Variants in CTNND2 observed in about 807,000 individuals in gnomAD.
The protein encoded by CTNND2 is catenin delta-2.
Under a neutral mutation model 144.4 loss-of-function variants are expected in CTNND2, and 22 were observed. That is an observed-to-expected ratio of 0.15 (90% confidence interval 0.11 to 0.22). CTNND2 has a LOEUF of 0.22. Among genes scored for constraint, CTNND2 ranks in the 10% least tolerant of loss-of-function variants. The pLI, the probability that CTNND2 is intolerant of heterozygous loss-of-function variation, is 1.00. For missense variants in CTNND2, 1,353 were observed against 1,618.8 expected, an observed-to-expected ratio of 0.84 and a Z score of 2.82; for synonymous variants, 751 against 695.6, an observed-to-expected ratio of 1.08 and a Z score of -1.25.
intron 6 of CTNND2, among the ~76,000 whole-genome samples, chr5:11,392,869 C>T (rs1759755061): frequency 6.6e-6 from 1 of 152,210 alleles, no homozygotes; most frequent in Non-Finnish European, 1.5e-5. Flanking sequence ...TTTTACCTAA[C>T]AACAACTTAT....
rs142470874 is a variant in CTNND2 at position 11,157,842 on chromosome 5, G to A, written c.2159+1734C>T. 3.7e-3 allele frequency among the ~76,000 whole-genome samples: 561 copies of A among 152,236 alleles called. 4 individuals carry two copies. The highest frequency in any genetic ancestry group is 4.0e-3 in the Non-Finnish European group (272 of 68,010). On this transcript the variant is annotated intron_variant, in intron 12 of 21. Coordinates refer to ENST00000304623, the MANE Select transcript of CTNND2 (RefSeq NM_001332.4). ...AGCAGCAGAAGCAGCAGCAAGTGTC[G>A]AGCTGCTGTATGTGTGAATAGACAG... is the stretch of plus-strand genomic sequence containing the variant.
chr5:11,555,725 T>C (rs554984162), intron 3 of CTNND2, among the ~76,000 whole-genome samples: 1 of 150,768 alleles, frequency 6.6e-6, no homozygotes, highest in East Asian at 2.0e-4. Context: ...AAAACAGAAA[T>C]AATGTGAAAG....
chr5:11,333,561 A>T (rs988381968), intron 9 of CTNND2, among the ~76,000 whole-genome samples: 1 of 152,190 alleles, frequency 6.6e-6, no homozygotes, highest in African/African-American at 2.4e-5. Context: ...TTGTGAGATG[A>T]TCAGTCAGAT....
intron 2 of CTNND2, among the ~76,000 whole-genome samples, chr5:11,662,918 A>G (rs575841769): frequency 1.3e-5 from 2 of 152,338 alleles, no homozygotes; most frequent in African/African-American, 4.8e-5. Flanking sequence ...CAGTAAACAA[A>G]TAAAGTGGAT....
chr5:11,109,996 ACT>A (rs1388694968), intron 14 of CTNND2, among the ~76,000 whole-genome samples: 1 of 151,550 alleles, frequency 6.6e-6, no homozygotes, highest in Non-Finnish European at 1.5e-5. Flanking sequence ...TACTTGTGAA[ACT>A]CTCTGTAAGC....
At chr5:11,240,993 A>C (rs1312845607) in intron 9 of CTNND2, among the ~76,000 whole-genome samples, 4 of 136,830 alleles carry the variant, frequency 2.9e-5, no homozygotes, top group Non-Finnish European at 6.3e-5. Flanking sequence ...ACACACACCC[A>C]ACACACACAC....
chr5:11,637,030 A>T (rs1781743380), intron 2 of CTNND2, among the ~76,000 whole-genome samples: 1 of 152,232 alleles, frequency 6.6e-6, no homozygotes, highest in African/African-American at 2.4e-5. Flanking sequence ...TATTACCTCA[A>T]GTAGATGGCA....
intron 1 of CTNND2, among the ~76,000 whole-genome samples, chr5:11,755,858 C>T (rs2126794683): frequency 6.6e-6 from 1 of 151,512 alleles, no homozygotes; most frequent in African/African-American, 2.4e-5. Context: ...CCTTATAGTT[C>T]TTGGATTGAG....
At chr5:11,675,899 A>G (rs1784148512) in intron 2 of CTNND2, among the ~76,000 whole-genome samples, 2 of 151,110 alleles carry the variant, frequency 1.3e-5, no homozygotes, top group Admixed American at 1.3e-4. Flanking sequence ...TTGGCTACTG[A>G]TATTTGTATA....
intron 2 of CTNND2, among the ~76,000 whole-genome samples, chr5:11,584,001 AG>A: frequency 6.6e-6 from 1 of 152,306 alleles, no homozygotes; most frequent in East Asian, 1.9e-4. Flanking sequence ...AATTTTTGGA[AG>A]AAGTACTCCA....
intron 1 of CTNND2, among the ~76,000 whole-genome samples, chr5:11,757,007 T>A (rs1405192791): frequency 6.6e-6 from 1 of 151,632 alleles, no homozygotes; most frequent in Admixed American, 6.6e-5. Flanking sequence ...AATTACACAA[T>A]ATCTGGTTTT....
intron 2 of CTNND2, among the ~76,000 whole-genome samples, chr5:11,640,998 A>G (rs1392901990): frequency 2.6e-5 from 4 of 152,146 alleles, no homozygotes; most frequent in East Asian, 1.9e-4. Context: ...GTTCGTTAAT[A>G]AAACCCAAAA....
chr5:11,534,865 G>C (rs1250306862), intron 3 of CTNND2, among the ~76,000 whole-genome samples: 3 of 152,100 alleles, frequency 2.0e-5, no homozygotes, highest in African/African-American at 7.2e-5. Context: ...TTGTTCTGAA[G>C]TGAACTTGGA....
rs1045828021 is a variant in CTNND2, at chr5:10,971,914, C to A, written c.*1539G>T. ...GGCACCTATTGGCCTCAGCCACTTG[C>A]ATCTAAAGAGCAAAGCTAGTTTACC... On this transcript the variant is annotated 3_prime_UTR_variant, in exon 22 of 22. Transcript: ENST00000304623. 6.6e-6 allele frequency: 1 copy of A among 152,632 alleles called. No homozygotes were observed. The allele number at this position is 152,632 out of a possible 1,614,324, so 9.5% of individuals were successfully genotyped here.
chr5:11,593,757 T>A (rs959762086), intron 2 of CTNND2, among the ~76,000 whole-genome samples: 2 of 152,200 alleles, frequency 1.3e-5, no homozygotes, highest in African/African-American at 4.8e-5. Flanking sequence ...ATTACACCTT[T>A]TTTCCTTTTA....
intron 14 of CTNND2, among the ~76,000 whole-genome samples, chr5:11,101,098 TC>T (rs1751834109): frequency 1.3e-5 from 2 of 152,320 alleles, no homozygotes; most frequent in South Asian, 4.1e-4. Context: ...GAGATGGAGT[TC>T]AAAGGGGATT....
At chr5:11,557,908 A>G (rs1352582791) in intron 3 of CTNND2, among the ~76,000 whole-genome samples, 1 of 152,214 alleles carries the variant, frequency 6.6e-6, no homozygotes, top group Non-Finnish European at 1.5e-5. Context: ...TTGATAATCC[A>G]GGAGGGAATT....
intron 2 of CTNND2, among the ~76,000 whole-genome samples, chr5:11,655,019 A>C (rs193268677): frequency 3.6e-4 from 55 of 152,168 alleles, no homozygotes; most frequent in African/African-American, 1.3e-3. Context: ...TGGTTTATGT[A>C]TATTATCTTG....
chr5:11,868,813 CAG>C (rs1400569728), intron 1 of CTNND2, among the ~76,000 whole-genome samples: 2 of 152,314 alleles, frequency 1.3e-5, no homozygotes, highest in Admixed American at 6.5e-5. Flanking sequence ...TGGGACCATG[CAG>C]AGTCTCCAGC....
Sources: allele counts gnomAD v4.1 joint callset (sites outside exome capture counted in the v4.1 genomes callset), GRCh38; gene constraint gnomAD v4.1.1; transcripts MANE v1.5; gene names NCBI Gene and HGNC (gene_info 2026-07-23, HGNC 2026-07-21).